Variants in PTPRD observed in about 807,000 individuals in gnomAD.
PTPRD encodes protein tyrosine phosphatase receptor type D.
A neutral mutation model predicts 214.5 loss-of-function variants in PTPRD; 34 were observed. The ratio of observed to expected loss-of-function variants is 0.16; its 90% confidence interval spans 0.12 to 0.21. The LOEUF (loss-of-function observed/expected upper bound fraction) is 0.21. Among genes scored for constraint, PTPRD ranks in the 10% least tolerant of loss-of-function variants. The probability of loss-of-function intolerance (pLI) is 1.00; values close to 1 mark genes in which losing one functional copy is unlikely to be tolerated. For synonymous variants in PTPRD, 1,128 were observed against 845.7 expected, an observed-to-expected ratio of 1.33 and a Z score of -5.79; for missense variants, 2,545 against 2,398.7, an observed-to-expected ratio of 1.06 and a Z score of -1.27.
rs558044541 is a variant in PTPRD at position 8,769,579 on chromosome 9, TC to T, written c.-103-35634del. Among the ~76,000 whole-genome samples the T allele has an allele frequency of 9.9e-4, 151 of 152,190 alleles. 2 individuals carry two copies. The South Asian group carries it at 0.03, about 30-fold the overall frequency. On this transcript the variant is annotated intron_variant, in intron 11 of 45. Transcript: ENST00000381196. ...TTAATGTGATAAATGAAAAAATGTG[TC>T]CCCCACCACTCATCTGAATACCAAT... is the stretch of plus-strand genomic sequence containing the variant.
intron 4 of PTPRD, among the ~76,000 whole-genome samples, chr9:9,958,154 T>G (rs2094089856): frequency 6.6e-6 from 1 of 152,178 alleles, no homozygotes; most frequent in African/African-American, 2.4e-5. Context: ...ATATAAGTGA[T>G]GTTGAGTTTG....
chr9:8,754,667 T>C (rs2093825978), intron 11 of PTPRD, among the ~76,000 whole-genome samples: 1 of 152,220 alleles, frequency 6.6e-6, no homozygotes, highest in South Asian at 2.1e-4. Flanking sequence ...AAGAATATCT[T>C]TGTAGCCTTT....
At chr9:8,754,305 A>T (rs73419288) in intron 11 of PTPRD, among the ~76,000 whole-genome samples, 1 of 152,184 alleles carries the variant, frequency 6.6e-6, no homozygotes, top group African/African-American at 2.4e-5. Context: ...AGCCAAGACA[A>T]TCTTATAGAA....
intron 10 of PTPRD, among the ~76,000 whole-genome samples, chr9:9,061,610 TG>T: frequency 6.6e-6 from 1 of 152,088 alleles, no homozygotes; most frequent in East Asian, 1.9e-4. Flanking sequence ...CCCCTAAAAA[TG>T]TAAGTGGAAA....
intron 2 of PTPRD, among the ~76,000 whole-genome samples, chr9:10,608,543 C>G (rs2133703290): frequency 6.6e-6 from 1 of 152,188 alleles, no homozygotes; most frequent in South Asian, 2.1e-4. Context: ...CAAACTGCCA[C>G]AGTATAATCT....
chr9:9,399,219 T>G (rs1237175957), intron 8 of PTPRD, among the ~76,000 whole-genome samples: 1 of 152,026 alleles, frequency 6.6e-6, no homozygotes, highest in African/African-American at 2.4e-5. Flanking sequence ...AGTAAAAACT[T>G]TAGCATAAGT....
At position 8,523,497 on chromosome 9, in the gene PTPRD, T is replaced by G; in HGVS notation, c.691+16A>C. On this transcript the variant is annotated intron_variant, in intron 19 of 45. Coordinates refer to ENST00000381196, the MANE Select transcript of PTPRD (RefSeq NM_002839.4). ...ATAGTTTTGTAAGGTGGGTAAAAAG[T>G]AAAAAACACACCAACCTTCTCGCAG... 1.2e-6 allele frequency: 2 copies of G among 1,612,728 alleles called. No homozygotes were observed. Among genetic ancestry groups the G allele is most frequent in the Non-Finnish European group, 1.7e-6 (2 of 1,179,268 alleles).
At chr9:10,392,761 A>AT (rs1165647626) in intron 2 of PTPRD, among the ~76,000 whole-genome samples, 1 of 151,860 alleles carries the variant, frequency 6.6e-6, no homozygotes, top group Non-Finnish European at 1.5e-5. Flanking sequence ...CAGAAAAAGG[A>AT]TTGGAGGACC....
At chr9:9,240,347 G>A (rs941969757) in intron 9 of PTPRD, among the ~76,000 whole-genome samples, 1 of 152,192 alleles carries the variant, frequency 6.6e-6, no homozygotes, top group East Asian at 1.9e-4. Context: ...TATACAGAAG[G>A]TAAATATATT....
At chr9:10,141,805 G>A (rs1257140169) in intron 3 of PTPRD, among the ~76,000 whole-genome samples, 1 of 151,980 alleles carries the variant, frequency 6.6e-6, no homozygotes, top group Non-Finnish European at 1.5e-5. Context: ...TCAATCCTAA[G>A]CCAAAAGAAC....
intron 7 of PTPRD, among the ~76,000 whole-genome samples, chr9:9,596,201 G>T (rs1294618361): frequency 1.3e-5 from 2 of 151,832 alleles, no homozygotes; most frequent in African/African-American, 4.8e-5. Context: ...GTGTCAAAAT[G>T]CCAAACTTAA....
chr9:8,618,891 T>C (rs1267823008), intron 14 of PTPRD, among the ~76,000 whole-genome samples: 3 of 146,510 alleles, frequency 2.0e-5, no homozygotes, highest in Admixed American at 7.0e-5. Context: ...TGTGTGTGTG[T>C]GTGTGTTTGT....
chr9:9,428,505 G>A (rs2081885229), intron 8 of PTPRD, among the ~76,000 whole-genome samples: 1 of 152,124 alleles, frequency 6.6e-6, no homozygotes. Context: ...GAGACAGAAA[G>A]TTAAGAAGGA....
chr9:8,396,293 C>A (rs925506851), intron 36 of PTPRD, among the ~76,000 whole-genome samples: 1 of 152,080 alleles, frequency 6.6e-6, no homozygotes, highest in Non-Finnish European at 1.5e-5. Flanking sequence ...ATTCTTAATG[C>A]CCTCCTGATA....
At chr9:8,594,859 CCTT>C (rs1462773583) in intron 14 of PTPRD, among the ~76,000 whole-genome samples, 5 of 141,600 alleles carry the variant, frequency 3.5e-5, no homozygotes, top group East Asian at 4.4e-4. Context: ...ATGTTTAACC[CCTT>C]TTTTTTTTTT....
chr9:9,755,370 A>G (rs2098557986), intron 6 of PTPRD, among the ~76,000 whole-genome samples: 2 of 152,034 alleles, frequency 1.3e-5, no homozygotes, highest in Admixed American at 1.3e-4. Flanking sequence ...AAAAGACAGG[A>G]AAAAGGAATT....
chr9:10,017,579 T>C (rs1263682131), intron 4 of PTPRD, among the ~76,000 whole-genome samples: 1 of 152,130 alleles, frequency 6.6e-6, no homozygotes, highest in Non-Finnish European at 1.5e-5. Context: ...GGTTTAAATC[T>C]TTAGTTCATT....
chr9:10,417,019 T>C (rs566380698), intron 2 of PTPRD, among the ~76,000 whole-genome samples: 116 of 151,986 alleles, frequency 7.6e-4, no homozygotes, highest in African/African-American at 2.7e-3. Context: ...TTGCCTTGAA[T>C]AGTAGAGGGT....
intron 4 of PTPRD, among the ~76,000 whole-genome samples, chr9:9,983,512 G>A (rs1171443966): frequency 1.3e-5 from 2 of 152,218 alleles, no homozygotes; most frequent in Non-Finnish European, 2.9e-5. Flanking sequence ...ATAAAATACA[G>A]GCAAAGCACT....
Sources: allele counts gnomAD v4.1 joint callset (sites outside exome capture counted in the v4.1 genomes callset), GRCh38; gene constraint gnomAD v4.1.1; transcripts MANE v1.5; gene names NCBI Gene and HGNC (gene_info 2026-07-23, HGNC 2026-07-21).